RNF157: variants seen among roughly 807,000 people sequenced by gnomAD.
The protein encoded by RNF157 is E3 ubiquitin ligase RNF157.
RNF157 carries 55 observed loss-of-function variants against 88.3 expected under a neutral mutation model. The observed-to-expected ratio is 0.62, with a 90% confidence interval of 0.50 to 0.78. The LOEUF is 0.78. Ranked by LOEUF, RNF157 falls within the 30% of genes least tolerant of loss-of-function variation. RNF157 has a pLI of 0.00. For missense variants in RNF157, 788 were observed against 860.8 expected, an observed-to-expected ratio of 0.92 and a Z score of 1.06; for synonymous variants, 334 against 341.2, an observed-to-expected ratio of 0.98 and a Z score of 0.23.
chr17:76,201,671 T>C (rs2069581607), intron 2 of RNF157, among the ~76,000 whole-genome samples: 1 of 152,140 alleles, frequency 6.6e-6, no homozygotes, highest in South Asian at 2.1e-4. Context: ...CACATACATA[T>C]ATTATTTTTA....
At chr17:76,179,874 A>G (rs2069163442) in intron 2 of RNF157, among the ~76,000 whole-genome samples, 3 of 152,226 alleles carry the variant, frequency 2.0e-5, no homozygotes, top group Admixed American at 2.0e-4. Flanking sequence ...TGTACTTAGC[A>G]TTAGCAATCG....
intron 2 of RNF157, among the ~76,000 whole-genome samples, chr17:76,202,128 T>TCTCTCTCTCACACACACA (rs1250661867): frequency 3.7e-5 from 5 of 134,664 alleles, no homozygotes; most frequent in African/African-American, 1.6e-4. Context: ...TCTCTCTCTC[T>TCTCTCTCTCACACACACA]CACACACACA....
intron 3 of RNF157, among the ~76,000 whole-genome samples, chr17:76,173,025 G>T (rs1178354109): frequency 6.6e-6 from 1 of 152,162 alleles, no homozygotes; most frequent in Non-Finnish European, 1.5e-5. Context: ...GGTGGCTCAC[G>T]CCTGTAATCC....
chr17:76,161,993 C>T lies in RNF157; in HGVS notation c.802G>A (p.Asp268Asn). 6.2e-7 allele frequency: 1 copy of T among 1,613,322 alleles called. No individual in the cohort carries two copies. Among genetic ancestry groups the T allele is most frequent in the Non-Finnish European group, 8.5e-7 (1 of 1,179,396 alleles). Reference sequence around the variant, plus strand: ...TCGGCACTGTTATCACTCACTTCGTCTTCAGCCACCTGGCCAAGGAGAAAG... The same window carrying T: ...TCGGCACTGTTATCACTCACTTCGTTTTCAGCCACCTGGCCAAGGAGAAAG... The part of the protein sequence containing the change: ...YNTQDSKVAE[D>N]EVSDNSAECV... The change falls in exon 10 of 19, where the codon GAC (aspartate) becomes AAC (asparagine). Residue 268 changes from aspartate (D) to asparagine (N), a missense_variant. By Grantham distance (23) the Asp-to-Asn change is conservative. Transcript: ENST00000269391. The surrounding 1 kb of genome is among the most constrained non-coding windows in gnomAD (Gnocchi z 4.6).
intron 7 of RNF157, 60 bp downstream of exon 7, chr17:76,165,442 G>T: frequency 6.4e-7 from 1 of 1,561,792 alleles, no homozygotes; most frequent in Non-Finnish European, 8.8e-7. Context: ...CGGGTTACAT[G>T]TGTCTCACAC....
intron 4 of RNF157, 132 bp downstream of exon 4, chr17:76,167,519 G>A (rs2068946778): frequency 1.5e-6 from 2 of 1,312,320 alleles, no homozygotes; most frequent in Non-Finnish European, 2.1e-6. Flanking sequence ...GATAAGACAT[G>A]GACTCTCCCT....
At chr17:76,210,858 G>A (rs951816432) in intron 2 of RNF157, among the ~76,000 whole-genome samples, 4 of 151,946 alleles carry the variant, frequency 2.6e-5, no homozygotes, top group East Asian at 1.9e-4. Flanking sequence ...AGGCTGGAGC[G>A]CACTGGGGCA....
chr17:76,211,997 G>A (rs1489130594), intron 2 of RNF157: 1 of 162,118 alleles, frequency 6.2e-6, no homozygotes, highest in Admixed American at 6.0e-5. Flanking sequence ...ACGTTCTAGA[G>A]GAGGAGGCAG....
At position 76,167,832 on chromosome 17, in the gene RNF157, C is replaced by T. The variant is rs538517099; in HGVS notation, c.297-35G>A. ...CAGAGACTCAGCATTTGCAGAGTAG[C>T]ATATCAATATTTTAAAATTTACCTT... On this transcript the variant is annotated intron_variant, in intron 3 of 18. Coordinates refer to ENST00000269391, the MANE Select transcript of RNF157 (RefSeq NM_052916.3). 11 of 1,583,406 alleles carry T rather than the reference C, an allele frequency of 6.9e-6. No individual in the cohort carries two copies. In the African/African-American group the frequency reaches 1.4e-4, roughly 20 times the overall value.
At chr17:76,200,633 G>A (rs1408205458) in intron 2 of RNF157, among the ~76,000 whole-genome samples, 3 of 152,182 alleles carry the variant, frequency 2.0e-5, no homozygotes, top group Non-Finnish European at 2.9e-5. Flanking sequence ...AGGAGTTCTG[G>A]AGACTGTACA....
chr17:76,176,230 G>T lies in RNF157; in HGVS notation c.208-2440C>A, dbSNP rs2069100499. Among the ~76,000 whole-genome samples, 1 of 152,188 alleles carries T rather than the reference G, an allele frequency of 6.6e-6. No individual in the cohort carries two copies. Among genetic ancestry groups the T allele is most frequent in the Admixed American group, 6.5e-5 (1 of 15,274 alleles). ...GACATAGTAATTGTAATATCAAAGA[G>T]ATTAAATATATGGATATTTTTTTGC... is the stretch of plus-strand genomic sequence containing the variant. On this transcript the variant is annotated intron_variant, in intron 2 of 18. Coordinates refer to ENST00000269391, the MANE Select transcript of RNF157 (RefSeq NM_052916.3). The surrounding 1 kb of genome is among the most constrained non-coding windows in gnomAD (Gnocchi z 4.2).
chr17:76,197,503 A>G (rs939247979), intron 2 of RNF157, among the ~76,000 whole-genome samples: 4 of 152,354 alleles, frequency 2.6e-5, no homozygotes, highest in Middle Eastern at 6.8e-3. Flanking sequence ...TCTTTATAAG[A>G]AAAACTAAAA....
intron 2 of RNF157, among the ~76,000 whole-genome samples, chr17:76,207,277 G>A (rs1476354807): frequency 6.6e-6 from 1 of 152,144 alleles, no homozygotes; most frequent in African/African-American, 2.4e-5. Flanking sequence ...TTAAAAATTA[G>A]CCCAGTGTAG....
At chr17:76,238,080 T>C (rs1363590332) in intron 1 of RNF157, among the ~76,000 whole-genome samples, 1 of 142,156 alleles carries the variant, frequency 7.0e-6, no homozygotes, top group Non-Finnish European at 1.5e-5. Context: ...AGAGAGACGA[T>C]GACTCAAAAA....
rs1304897172 is a variant in RNF157 at position 76,145,608 on chromosome 17, A to G, written c.1922-255T>C. On this transcript the variant is annotated intron_variant, in intron 18 of 18. Coordinates refer to ENST00000269391, the MANE Select transcript of RNF157 (RefSeq NM_052916.3). ...TGGCTCCCGGACAGGGAGGGACATG[A>G]AAGATGTTCCTTGTTTTGCGAACTT... The G allele has an allele frequency of 2.7e-4, 113 of 420,194 alleles. 1 individual carries two copies. In the East Asian group the frequency reaches 4.1e-3, roughly 15 times the overall value. The allele number at this position is 420,194 out of a possible 1,614,324, so 26.0% of individuals were successfully genotyped here.
chr17:76,159,650 A>G, intron 11 of RNF157, 77 bp from the exon 12 acceptor site: 2 of 1,041,042 alleles, frequency 1.9e-6, no homozygotes, highest in Non-Finnish European at 2.9e-6. Flanking sequence ...ACTTCTCTAC[A>G]CTGAAAAAAA....
chr17:76,180,007 C>A (rs1298546496), intron 2 of RNF157, among the ~76,000 whole-genome samples: 1 of 152,190 alleles, frequency 6.6e-6, no homozygotes, highest in Non-Finnish European at 1.5e-5. Context: ...CAGATAAAGT[C>A]TTTCTGATGT....
intron 2 of RNF157, among the ~76,000 whole-genome samples, chr17:76,203,563 C>T (rs1245733690): frequency 6.6e-6 from 1 of 151,224 alleles, no homozygotes; most frequent in Non-Finnish European, 1.5e-5. Context: ...AGCAATTCTC[C>T]TGCCTCAGCT....
chr17:76,228,102 A>T (rs928803728), intron 1 of RNF157, among the ~76,000 whole-genome samples: 9 of 151,156 alleles, frequency 6.0e-5, no homozygotes, highest in Middle Eastern at 3.4e-3. Flanking sequence ...AAAAAGAAAT[A>T]AAAAAAACCA....
Sources: allele counts gnomAD v4.1 joint callset (sites outside exome capture counted in the v4.1 genomes callset), GRCh38; gene constraint gnomAD v4.1.1; non-coding constraint Gnocchi (gnomAD v3.1); transcripts MANE v1.5; gene names NCBI Gene and HGNC (gene_info 2026-07-23, HGNC 2026-07-21).